The following COL23A1 variants were observed in gnomAD, a reference collection of about 807,000 sequenced individuals.
The protein encoded by COL23A1 is collagen alpha-1(XXIII) chain.
Under a neutral mutation model 99.3 loss-of-function variants are expected in COL23A1, and 97 were observed. The observed-to-expected ratio is 0.98, with a 90% CI of 0.83 to 1.16. The LOEUF is 1.16. Among genes scored for constraint, COL23A1 ranks in the 50% most tolerant of loss-of-function variants. COL23A1 has a pLI of 0.00. For synonymous variants in COL23A1, 320 were observed against 308.2 expected, an observed-to-expected ratio of 1.04 and a Z score of -0.40; for missense variants, 762 against 757.4, an observed-to-expected ratio of 1.01 and a Z score of -0.07.
chr5:178,394,895 T>C (rs1156822143), intron 2 of COL23A1, among the ~76,000 whole-genome samples: 125 of 123,946 alleles, frequency 1.0e-3, no homozygotes, highest in Middle Eastern at 4.3e-3. Context: ...CGGCCCCGGC[T>C]GTCCTCCGAG....
At chr5:178,386,854 G>A (rs1237950565) in intron 2 of COL23A1, among the ~76,000 whole-genome samples, 3 of 152,156 alleles carry the variant, frequency 2.0e-5, no homozygotes, top group Non-Finnish European at 4.4e-5. Flanking sequence ...ACCTTCTTTT[G>A]CCCTGATGCT....
intron 2 of COL23A1, among the ~76,000 whole-genome samples, chr5:178,430,499 T>G (rs192238665): frequency 2.6e-5 from 4 of 152,282 alleles, no homozygotes; most frequent in Admixed American, 2.6e-4. Flanking sequence ...GCTTCTCTCT[T>G]CCTAGGGGCT....
chr5:178,336,820 T>C (rs965332023), intron 2 of COL23A1, among the ~76,000 whole-genome samples: 1 of 152,166 alleles, frequency 6.6e-6, no homozygotes, highest in African/African-American at 2.4e-5. Context: ...TAACGGTGCT[T>C]TTAAAAACAA....
intron 25 of COL23A1, among the ~76,000 whole-genome samples, chr5:178,244,306 A>G (rs1239179522): frequency 6.6e-6 from 1 of 152,066 alleles, no homozygotes; most frequent in African/African-American, 2.4e-5. Flanking sequence ...TTCTCTTTTT[A>G]AAGTCTAGGG....
intron 2 of COL23A1, among the ~76,000 whole-genome samples, chr5:178,319,099 G>A (rs535150298): frequency 6.6e-6 from 1 of 152,166 alleles, no homozygotes; most frequent in Non-Finnish European, 1.5e-5. Context: ...GGTGGCCAGC[G>A]GTGGGTGGGG....
At chr5:178,504,347 C>G (rs950103113) in intron 2 of COL23A1, among the ~76,000 whole-genome samples, 7 of 152,152 alleles carry the variant, frequency 4.6e-5, no homozygotes, top group African/African-American at 7.2e-5. Context: ...GTGAGAGGGT[C>G]AGCTGCTGGC....
At chr5:178,509,431 C>T (rs982768171) in intron 2 of COL23A1, among the ~76,000 whole-genome samples, 5 of 152,046 alleles carry the variant, frequency 3.3e-5, no homozygotes, top group Non-Finnish European at 7.4e-5. Context: ...CCATCTTGGC[C>T]GGGCTGGTTT....
intron 2 of COL23A1, among the ~76,000 whole-genome samples, chr5:178,498,246 A>ATG (rs1758325117): frequency 1.4e-5 from 1 of 71,690 alleles, no homozygotes; most frequent in Non-Finnish European, 2.4e-5. Context: ...ATATATATAT[A>ATG]TATATATATA....
At chr5:178,528,781 G>A (rs1760472949) in intron 2 of COL23A1, among the ~76,000 whole-genome samples, 1 of 152,242 alleles carries the variant, frequency 6.6e-6, no homozygotes. Flanking sequence ...TTGCACTCCA[G>A]CCTGGGCAAC....
intron 2 of COL23A1, among the ~76,000 whole-genome samples, chr5:178,383,974 T>G (rs944084993): frequency 6.6e-6 from 1 of 151,782 alleles, no homozygotes; most frequent in African/African-American, 2.4e-5. Flanking sequence ...GGAAACCTGT[T>G]ATCCATCCTG....
chr5:178,269,471 CCACCCACCCA>C, intron 6 of COL23A1, among the ~76,000 whole-genome samples: 1 of 122,580 alleles, frequency 8.2e-6, no homozygotes, highest in Non-Finnish European at 1.7e-5. Context: ...ATCCACCCAT[CCACCCACCCA>C]TCCACCCACC....
intron 25 of COL23A1, among the ~76,000 whole-genome samples, chr5:178,245,695 C>T (rs1561783831): frequency 3.3e-5 from 5 of 152,226 alleles, no homozygotes; most frequent in Admixed American, 3.3e-4. Flanking sequence ...ATTGTCCATC[C>T]ATCCTCCATC....
chr5:178,346,808 A>T (rs1199740247), intron 2 of COL23A1, among the ~76,000 whole-genome samples: 2 of 152,230 alleles, frequency 1.3e-5, no homozygotes, highest in Non-Finnish European at 2.9e-5. Flanking sequence ...TCAGAGTCAT[A>T]TGCAGCGGCC....
At chr5:178,373,619 T>C (rs1762916602) in intron 2 of COL23A1, among the ~76,000 whole-genome samples, 1 of 152,140 alleles carries the variant, frequency 6.6e-6, no homozygotes. Context: ...TTTCACCATG[T>C]TGGCCAGGCT....
chr5:178,585,745 A>ATGCTGGGGGTAACGCTCCACAG (rs1371181299), intron 1 of COL23A1, among the ~76,000 whole-genome samples: 1 of 5,486 alleles, frequency 1.8e-4, no homozygotes, highest in South Asian at 4.9e-3. Context: ...GCCCTGGCTG[A>ATGCTGGGGGTAACGCTCCACAG]CCCTGTTGGT....
In COL23A1 at chr5:178,309,217, G is replaced by C. The variant is rs1758533478; in HGVS notation, c.362-2298C>G. ...TTGGGGCAGCTGAACTAACGGATTT[G>C]TCTGGTGGCTCTCCTGGGTGGCATG... On this transcript the variant is annotated intron_variant, in intron 2 of 28. Coordinates refer to ENST00000390654, the MANE Select transcript of COL23A1 (RefSeq NM_173465.4). The surrounding 1 kb of genome is among the most constrained non-coding windows in gnomAD (Gnocchi z 4.7). Among the ~76,000 whole-genome samples, 1 of 152,212 alleles carries C rather than the reference G, an allele frequency of 6.6e-6. No individual in the cohort carries two copies. Among genetic ancestry groups the C allele is most frequent in the South Asian group, 2.1e-4 (1 of 4,832 alleles).
At chr5:178,248,301 A>T (rs773125474) in intron 19 of COL23A1, 47 bp from the exon 20 acceptor site, 1 of 1,451,090 alleles carries the variant, frequency 6.9e-7, no homozygotes, top group Non-Finnish European at 9.6e-7. Flanking sequence ...CAGCACCTGT[A>T]TCACCACCCA....
Position 178,434,194 on chromosome 5 carries a change from T to C in COL23A1, c.361+126488A>G, listed in dbSNP as rs137993647. Among the ~76,000 whole-genome samples, 2 of 152,294 alleles carry C rather than the reference T, an allele frequency of 1.3e-5. No individual in the cohort carries two copies. Among genetic ancestry groups the C allele is most frequent in the African/African-American group, 2.4e-5 (1 of 41,562 alleles). On this transcript the variant is annotated intron_variant, in intron 2 of 28. Coordinates refer to ENST00000390654, the MANE Select transcript of COL23A1 (RefSeq NM_173465.4). The surrounding 1 kb of genome is among the most constrained non-coding windows in gnomAD (Gnocchi z 4.3). The stretch of plus-strand genomic sequence containing the variant: ...ACTTTCCAGATAGGGAAATCAAGGC[T>C]TAGAGAAGTGGGCTGCCCCAGGTCA...
chr5:178,410,735 A>C (rs1466784304), intron 2 of COL23A1, among the ~76,000 whole-genome samples: 3 of 152,252 alleles, frequency 2.0e-5, no homozygotes, highest in Non-Finnish European at 1.5e-5. Flanking sequence ...TATGACACCC[A>C]AAATACATGC....
Sources: gnomAD v4.1 joint callset for allele counts (sites outside exome capture counted in the v4.1 genomes callset) on GRCh38, gnomAD v4.1.1 for gene constraint, Gnocchi (gnomAD v3.1) non-coding constraint, MANE v1.5 for transcripts, NCBI Gene and HGNC (gene_info 2026-07-23, HGNC 2026-07-21) for gene names.